Variants in PDE1C observed in about 807,000 individuals in gnomAD.
PDE1C encodes dual specificity calcium/calmodulin-dependent 3',5'-cyclic nucleotide phosphodiesterase 1C.
A neutral mutation model predicts 93.1 loss-of-function variants in PDE1C; 62 were observed. The observed-to-expected ratio is 0.67, with a 90% CI of 0.54 to 0.82. The LOEUF is 0.82. Among genes scored for constraint, PDE1C ranks in the 40% least tolerant of loss-of-function variants. The pLI is 0.00. For synonymous variants in PDE1C, 325 were observed against 310.1 expected (o/e 1.05, Z -0.50); for missense variants, 742 against 884.6 (o/e 0.84, Z 2.04).
the PDE1C span, among the ~76,000 whole-genome samples, chr7:31,659,832 T>C: frequency 6.6e-6 from 1 of 152,176 alleles, no homozygotes; most frequent in East Asian, 1.9e-4. Context: ...CCTTTTTAGC[T>C]TTCATAACAT....
chr7:31,809,308 T>C (rs1171879693), intron 15 of PDE1C, among the ~76,000 whole-genome samples, 200 bp from the exon 16 acceptor site: 1 of 152,080 alleles, frequency 6.6e-6, no homozygotes, highest in Non-Finnish European at 1.5e-5. Flanking sequence ...GGCTGAAAGT[T>C]CTTGTTAAAC....
At chr7:32,144,951 C>T (rs2158689) in intron 3 of PDE1C, among the ~76,000 whole-genome samples, 13,079 of 152,228 alleles carry the variant, frequency 0.086, 765 homozygotes, top group South Asian at 0.19. Context: ...GTGAACCTTG[C>T]TGTAATTGGT....
chr7:32,006,666 G>A (rs1382798449), intron 2 of PDE1C, among the ~76,000 whole-genome samples: 1 of 152,190 alleles, frequency 6.6e-6, no homozygotes, highest in Non-Finnish European at 1.5e-5. Context: ...GGCACAGCAG[G>A]AAACAAAACC....
chr7:32,186,431 T>C (rs17150736), intron 2 of PDE1C, among the ~76,000 whole-genome samples: 2,084 of 152,300 alleles, frequency 0.014, 20 homozygotes, highest in Middle Eastern at 0.031. Flanking sequence ...AGAGAATTTC[T>C]ATCTATGGTT....
intron 2 of PDE1C, among the ~76,000 whole-genome samples, chr7:32,170,945 G>A (rs1175615463): frequency 6.6e-6 from 1 of 152,094 alleles, no homozygotes; most frequent in East Asian, 1.9e-4. Context: ...CTAGGTATTA[G>A]GCAGCCCCTA....
intron 3 of PDE1C, among the ~76,000 whole-genome samples, chr7:32,113,680 G>T (rs74925271): frequency 7.0e-4 from 107 of 152,116 alleles, no homozygotes; most frequent in African/African-American, 2.5e-3. Context: ...ATTGAGAAAT[G>T]AGATTGGCAG....
the PDE1C span, among the ~76,000 whole-genome samples, chr7:31,679,861 G>A: frequency 6.6e-6 from 1 of 152,150 alleles, no homozygotes; most frequent in Non-Finnish European, 1.5e-5. Flanking sequence ...TTCCTTTATT[G>A]TGCTGCCTCT....
At chr7:32,187,166 CTTTT>C (rs1803938200) in intron 2 of PDE1C, among the ~76,000 whole-genome samples, 1 of 150,912 alleles carries the variant, frequency 6.6e-6, no homozygotes, top group Non-Finnish European at 1.5e-5. Flanking sequence ...CTCTCTCTTT[CTTTT>C]ATTTTCAGAG....
At chr7:31,760,759 T>TACACACACACACAC (rs10573498) in intron 17 of PDE1C, among the ~76,000 whole-genome samples, 4 of 148,690 alleles carry the variant, frequency 2.7e-5, no homozygotes, top group African/African-American at 7.4e-5. Flanking sequence ...CTGCAATGTG[T>TACACACACACACAC]ACACACACAC....
In PDE1C at chr7:32,376,190, CAACCAATCCT is replaced by C. The variant is rs371481098; in HGVS notation, c.310+51622_310+51631del. Among the ~76,000 whole-genome samples the C allele has an allele frequency of 4.6e-3, 696 of 152,038 alleles. 8 individuals carry two copies. Among genetic ancestry groups the C allele is most frequent in the African/African-American group, 0.016 (648 of 41,468 alleles). ...AAAGAAAGAAAGAAAGAAAAATTCACAACCAATCCTAACAAACAGTGGCACGTAGTTCTGC... is the reference window on the plus strand; with the variant it reads ...AAAGAAAGAAAGAAAGAAAAATTCACAACAAACAGTGGCACGTAGTTCTGC... On this transcript the variant is annotated intron_variant, in intron 1 of 1. Coordinates refer to the PDE1C transcript ENST00000672256.
At chr7:32,389,568 T>C (rs569018682) in intron 1 of PDE1C, among the ~76,000 whole-genome samples, 139 of 152,266 alleles carry the variant, frequency 9.1e-4, no homozygotes, top group South Asian at 1.9e-3. Flanking sequence ...TGACACTTCA[T>C]GGGATGCACC....
At chr7:32,295,893 C>CAAAAA (rs147462417) in intron 1 of PDE1C, among the ~76,000 whole-genome samples, 1 of 85,124 alleles carries the variant, frequency 1.2e-5, no homozygotes, top group Admixed American at 1.3e-4. Flanking sequence ...GACTCTGTCT[C>CAAAAA]AAAAAAAAAA....
At chr7:31,967,196 A>C (rs1291720498) in intron 2 of PDE1C, among the ~76,000 whole-genome samples, 5 of 152,192 alleles carry the variant, frequency 3.3e-5, no homozygotes, top group Non-Finnish European at 5.9e-5. Flanking sequence ...CGATCAACAA[A>C]ATTGATAGAC....
At chr7:31,634,139 T>A in the PDE1C span, among the ~76,000 whole-genome samples, 1 of 152,196 alleles carries the variant, frequency 6.6e-6, no homozygotes, top group South Asian at 2.1e-4. Flanking sequence ...CTGAGGCGTC[T>A]GTCTCCTCCT....
rs61581257 is a variant in PDE1C, at chr7:32,091,450, A to G, written c.308+78335T>C. 4.3e-3 allele frequency among the ~76,000 whole-genome samples: 658 copies of G among 152,312 alleles called. 6 individuals are homozygous for G. The highest frequency in any genetic ancestry group is 0.015 in the African/African-American group (630 of 41,568). ...GCAGGAAGGACACATTGCAATATTC[A>G]TCAGGGTGGTTAGAGTTGGCCTCAT... On this transcript the variant is annotated intron_variant, in intron 3 of 18. Coordinates refer to the PDE1C transcript ENST00000396193.
chr7:31,862,119 A>T (rs1431102214), intron 7 of PDE1C, among the ~76,000 whole-genome samples: 1 of 152,170 alleles, frequency 6.6e-6, no homozygotes, highest in East Asian at 1.9e-4. Context: ...AAGCCAAAAA[A>T]CACAATTATC....
At chr7:32,036,241 A>G (rs1056857420) in intron 2 of PDE1C, among the ~76,000 whole-genome samples, 3 of 152,292 alleles carry the variant, frequency 2.0e-5, no homozygotes, top group Non-Finnish European at 4.4e-5. Flanking sequence ...TCATTCATTC[A>G]TTCACCTGCC....
At chr7:32,035,303 G>A (rs1790897747) in intron 2 of PDE1C, among the ~76,000 whole-genome samples, 1 of 152,052 alleles carries the variant, frequency 6.6e-6, no homozygotes, top group African/African-American at 2.4e-5. Flanking sequence ...CCTCCACACA[G>A]AAACATTCCG....
intron 1 of PDE1C, among the ~76,000 whole-genome samples, chr7:32,294,469 G>A (rs568644012): frequency 6.6e-6 from 1 of 152,338 alleles, no homozygotes; most frequent in Admixed American, 6.5e-5. Context: ...ACTGAGGGCA[G>A]GAGGGAAATG....
Sources: gnomAD v4.1 joint callset for allele counts (sites outside exome capture counted in the v4.1 genomes callset) on GRCh38, gnomAD v4.1.1 for gene constraint, MANE v1.5 for transcripts, NCBI Gene and HGNC (gene_info 2026-07-23, HGNC 2026-07-21) for gene names.